SHROOM3: variants seen among roughly 807,000 people sequenced by gnomAD.
SHROOM3 encodes the protein protein Shroom3.
SHROOM3 carries 47 observed loss-of-function variants against 138.6 expected under a neutral mutation model. The observed-to-expected ratio is 0.34, with a 90% CI of 0.27 to 0.43. The LOEUF (loss-of-function observed/expected upper bound fraction) is 0.43, where lower values mean the gene tolerates loss of function less well. Ranked by LOEUF, SHROOM3 falls within the 20% of genes least tolerant of loss-of-function variation. The pLI is 1.00. For missense variants in SHROOM3, 2,491 were observed against 2,596.5 expected (o/e 0.96, Z 0.88); for synonymous variants, 1,062 against 1,063.3 (o/e 1.00, Z 0.02).
chr4:76,654,144 A>G lies in SHROOM3; in HGVS notation c.324-56012A>G, dbSNP rs116769322. On this transcript the variant is annotated intron_variant, in intron 2 of 10. Transcript: ENST00000296043. ...TTGTCTGGCCTGAACTGAGTCTTAG[A>G]TAAGTGGGTAGAGGAGGTGAGGACA... 4.6e-3 allele frequency among the ~76,000 whole-genome samples: 699 copies of G among 152,278 alleles called. 3 individuals are homozygous for G. Among genetic ancestry groups the G allele is most frequent in the African/African-American group, 0.016 (671 of 41,558 alleles).
intron 3 of SHROOM3, among the ~76,000 whole-genome samples, chr4:76,723,662 G>C (rs565997756): frequency 3.9e-5 from 6 of 152,186 alleles, no homozygotes; most frequent in Non-Finnish European, 8.8e-5. Flanking sequence ...AAAAGCACAG[G>C]CTCTGGAGAG....
intron 1 of SHROOM3, among the ~76,000 whole-genome samples, chr4:76,456,736 A>T (rs1401316992): frequency 6.6e-6 from 1 of 152,246 alleles, no homozygotes; most frequent in African/African-American, 2.4e-5. Flanking sequence ...TAAAGAGACC[A>T]CCAAATAGGC....
At chr4:76,689,296 C>T (rs1382528824) in intron 2 of SHROOM3, among the ~76,000 whole-genome samples, 5 of 148,384 alleles carry the variant, frequency 3.4e-5, no homozygotes, top group South Asian at 2.1e-4. Context: ...AAATGCAAAT[C>T]CGGTCCTGAG....
intron 3 of SHROOM3, among the ~76,000 whole-genome samples, chr4:76,726,994 G>T (rs971791315): frequency 6.6e-6 from 1 of 152,176 alleles, no homozygotes; most frequent in East Asian, 1.9e-4. Context: ...CGTGGTGCTG[G>T]TCTGAGGTCA....
chr4:76,478,066 G>A (rs182276308), intron 1 of SHROOM3, among the ~76,000 whole-genome samples: 26 of 152,280 alleles, frequency 1.7e-4, no homozygotes, highest in Admixed American at 1.0e-3. Flanking sequence ...GGCAGACACC[G>A]AGCTAGCTAC....
intron 1 of SHROOM3, among the ~76,000 whole-genome samples, chr4:76,507,777 C>CTCGT (rs764588056): frequency 6.6e-6 from 1 of 151,854 alleles, no homozygotes; most frequent in Non-Finnish European, 1.5e-5. Context: ...ATCTCCTGAC[C>CTCGT]TCGTGATCTG....
chr4:76,624,129 C>CATAATT (rs1735068289), intron 2 of SHROOM3, among the ~76,000 whole-genome samples: 1 of 152,148 alleles, frequency 6.6e-6, no homozygotes, highest in African/African-American at 2.4e-5. Flanking sequence ...GTTTTTAACA[C>CATAATT]ATAATTAAAA....
At chr4:76,480,565 A>G (rs957892980) in intron 1 of SHROOM3, among the ~76,000 whole-genome samples, 5 of 151,984 alleles carry the variant, frequency 3.3e-5, no homozygotes, top group African/African-American at 1.2e-4. Context: ...CACTGTCAAT[A>G]TTAGATCAGT....
chr4:76,467,761 C>T (rs937905380), intron 1 of SHROOM3, among the ~76,000 whole-genome samples: 3 of 152,146 alleles, frequency 2.0e-5, no homozygotes, highest in African/African-American at 4.8e-5. Flanking sequence ...TTCACAAACC[C>T]GGGTATAACT....
At chr4:76,666,446 A>AT (rs1718696975) in intron 2 of SHROOM3, among the ~76,000 whole-genome samples, 1 of 152,104 alleles carries the variant, frequency 6.6e-6, no homozygotes, top group Non-Finnish European at 1.5e-5. Context: ...TTTTTAAATT[A>AT]TTTTTTGTAG....
chr4:76,445,086 A>G (rs531366548), intron 1 of SHROOM3, among the ~76,000 whole-genome samples: 10 of 134,588 alleles, frequency 7.4e-5, no homozygotes, highest in African/African-American at 2.5e-4. Context: ...ACAGAGCCAG[A>G]CATTGTCTCA....
chr4:76,763,166 G>A (rs1363059026), intron 9 of SHROOM3, among the ~76,000 whole-genome samples: 1 of 152,050 alleles, frequency 6.6e-6, no homozygotes, highest in Non-Finnish European at 1.5e-5. Flanking sequence ...CAGGAGGATT[G>A]CTGGAGCCCA....
intron 2 of SHROOM3, among the ~76,000 whole-genome samples, chr4:76,673,229 GT>G (rs1361823486): frequency 1.3e-5 from 2 of 152,178 alleles, no homozygotes; most frequent in African/African-American, 4.8e-5. Flanking sequence ...CGCCATGACT[GT>G]CTTCAACGGT....
intron 2 of SHROOM3, among the ~76,000 whole-genome samples, chr4:76,656,591 G>C (rs1736069659): frequency 6.6e-6 from 1 of 152,170 alleles, no homozygotes; most frequent in African/African-American, 2.4e-5. Context: ...AATTGTCCAT[G>C]AAAGACCTCA....
At chr4:76,773,161 G>C (rs2109794555) in intron 10 of SHROOM3, among the ~76,000 whole-genome samples, 1 of 152,218 alleles carries the variant, frequency 6.6e-6, no homozygotes, top group Non-Finnish European at 1.5e-5. Flanking sequence ...CAGATCATGA[G>C]GTCAGGAGTT....
chr4:76,723,610 G>T (rs1366172495), intron 3 of SHROOM3, among the ~76,000 whole-genome samples: 1 of 152,058 alleles, frequency 6.6e-6, no homozygotes, highest in Non-Finnish European at 1.5e-5. Flanking sequence ...TCCCTCCTCT[G>T]CCTCTCCCAC....
intron 4 of SHROOM3, 64 bp downstream of exon 4, chr4:76,730,999 ATGTT>A: frequency 6.3e-7 from 1 of 1,597,440 alleles, no homozygotes; most frequent in Non-Finnish European, 8.6e-7. Flanking sequence ...CCAGAAAAGA[ATGTT>A]TTCTTCTCTG....
chr4:76,672,610 T>C (rs1360690046), intron 2 of SHROOM3, among the ~76,000 whole-genome samples: 2 of 152,156 alleles, frequency 1.3e-5, no homozygotes, highest in African/African-American at 2.4e-5. Context: ...TCTCGCTCTG[T>C]CACCCAGGCT....
chr4:76,776,449 T>C (rs11727930), intron 10 of SHROOM3, among the ~76,000 whole-genome samples: 3,499 of 152,344 alleles, frequency 0.023, 65 homozygotes, highest in Non-Finnish European at 0.037. Context: ...TTTAGTTTAA[T>C]TAAGTCCTAT....
Sources: gnomAD v4.1 joint callset for allele counts (sites outside exome capture counted in the v4.1 genomes callset) on GRCh38, gnomAD v4.1.1 for gene constraint, MANE v1.5 for transcripts, NCBI Gene and HGNC (gene_info 2026-07-23, HGNC 2026-07-21) for gene names.